CDC16: variants seen among roughly 807,000 people sequenced by gnomAD.
CDC16 encodes the protein cell division cycle protein 16 homolog.
A neutral mutation model predicts 87.0 loss-of-function variants in CDC16; 34 were observed. That is an observed-to-expected ratio of 0.39 (90% CI 0.30 to 0.52). The LOEUF is 0.52. Among genes scored for constraint, CDC16 ranks in the 20% least tolerant of loss-of-function variants. The pLI is 0.74. For missense variants in CDC16, 653 were observed against 751.9 expected, an observed-to-expected ratio of 0.87 and a Z score of 1.54; for synonymous variants, 263 against 260.6, an observed-to-expected ratio of 1.01 and a Z score of -0.09.
At chr13:114,241,804 A>G (rs929510064) in intron 5 of CDC16, among the ~76,000 whole-genome samples, 1 of 152,206 alleles carries the variant, frequency 6.6e-6, no homozygotes, top group Non-Finnish European at 1.5e-5. Context: ...TAATCTCAGC[A>G]CTTCGGGAGG....
chr13:114,236,527 G>A, intron 1 of CDC16, 118 bp from the exon 2 acceptor site: 4 of 871,546 alleles, frequency 4.6e-6, no homozygotes, highest in Non-Finnish European at 6.1e-6. Flanking sequence ...TTGAGATGAA[G>A]ATTTATTACA....
At chr13:114,245,206 ATAT>A (rs2081794243) in intron 9 of CDC16, among the ~76,000 whole-genome samples, 4 of 151,848 alleles carry the variant, frequency 2.6e-5, no homozygotes, top group African/African-American at 7.3e-5. Flanking sequence ...CTTTTCTCAA[ATAT>A]CATTTATGTT....
At chr13:114,263,687 G>T (rs7319446) in intron 16 of CDC16, among the ~76,000 whole-genome samples, 1 of 152,016 alleles carries the variant, frequency 6.6e-6, no homozygotes, top group East Asian at 1.9e-4. Context: ...TAGCACACAC[G>T]CCCAGTTCCT....
At position 114,246,941 on chromosome 13, in the gene CDC16, T is replaced by C. The variant is rs951852214; in HGVS notation, c.908T>C (p.Phe303Ser). Residue 303 changes from phenylalanine (F) to serine (S), a missense_variant, in exon 11 of 18, where the codon TTT becomes TCT. Phe to Ser is a radical substitution (Grantham distance 155). Coordinates refer to ENST00000356221, the MANE Select transcript of CDC16 (RefSeq NM_001078645.3). ...DLYPSNPVSW[F>S]AVGCYYLMVG... Reference sequence around the variant, plus strand: ...TTTTGAACTTTTTAGGTGTCTTGGTTTGCAGTGGGATGTTACTATCTCATG... The same window carrying C: ...TTTTGAACTTTTTAGGTGTCTTGGTCTGCAGTGGGATGTTACTATCTCATG... 6.2e-7 allele frequency: 1 copy of C among 1,611,176 alleles called. No homozygotes were observed. Among genetic ancestry groups the C allele is most frequent in the Non-Finnish European group, 8.5e-7 (1 of 1,177,394 alleles).
rs915808390 is a variant in CDC16 at position 114,261,743 on chromosome 13, C to T, written c.1315-144C>T. 8.9e-5 allele frequency: 48 copies of T among 536,388 alleles called. No individual in the cohort carries two copies. The South Asian group carries it at 1.2e-3, about 14-fold the overall frequency. The allele number at this position is 536,388 out of a possible 1,614,324, so 33.2% of individuals were successfully genotyped here. On this transcript the variant is annotated intron_variant, in intron 14 of 17. Coordinates refer to ENST00000356221, the MANE Select transcript of CDC16 (RefSeq NM_001078645.3). Reference sequence around the variant, plus strand: ...AGGAAAGAAAGGGAGATAGATAAAACAGCAGTTACCCTGGCCTTGTGGTGT... The same window carrying T: ...AGGAAAGAAAGGGAGATAGATAAAATAGCAGTTACCCTGGCCTTGTGGTGT...
intron 9 of CDC16, 53 bp downstream of exon 9, chr13:114,245,022 C>T: frequency 9.3e-7 from 1 of 1,076,042 alleles, no homozygotes; most frequent in Non-Finnish European, 1.4e-6. Flanking sequence ...CAAATCTTTT[C>T]TGTAACTTGA....
At chr13:114,242,387 A>G (rs1186794807) in intron 6 of CDC16, 107 bp downstream of exon 6, 1 of 952,252 alleles carries the variant, frequency 1.1e-6, no homozygotes, top group African/African-American at 1.6e-5. Flanking sequence ...TACAGGTTTA[A>G]ATAGACCTAC....
intron 14 of CDC16, 104 bp from the exon 15 acceptor site, chr13:114,261,783 C>G (rs2082876605): frequency 5.5e-6 from 4 of 732,088 alleles, no homozygotes; most frequent in South Asian, 1.9e-5. Context: ...GCGGCACACA[C>G]TGGGAGAGAG....
intron 12 of CDC16, among the ~76,000 whole-genome samples, chr13:114,253,657 C>A (rs2082325945): frequency 1.3e-5 from 2 of 150,912 alleles, no homozygotes; most frequent in South Asian, 4.2e-4. Flanking sequence ...CCACTGCACT[C>A]CAGCCTGGGC....
intron 6 of CDC16, chr13:114,242,632 A>G (rs17291152): frequency 0.019 from 3,842 of 198,680 alleles, 161 homozygotes; most frequent in African/African-American, 0.085. Context: ...TCCAGAGCAG[A>G]TGCTTTAAAG....
At chr13:114,267,701 A>G (rs2083325042) in intron 17 of CDC16, among the ~76,000 whole-genome samples, 1 of 152,204 alleles carries the variant, frequency 6.6e-6, no homozygotes. Flanking sequence ...AGTAATCACT[A>G]AAAAGGAAAG....
chr13:114,270,072 G>A (rs536316640), intron 17 of CDC16, among the ~76,000 whole-genome samples: 1 of 152,152 alleles, frequency 6.6e-6, no homozygotes, highest in African/African-American at 2.4e-5. Context: ...GAAGATTAGT[G>A]TATTAGTTCA....
Position 114,234,908 on chromosome 13 carries a change from C to A in CDC16, c.-177C>A, listed in dbSNP as rs17337710. The A allele has an allele frequency of 0.011, 4,511 of 395,564 alleles. 169 individuals carry two copies. Among genetic ancestry groups the A allele is most frequent in the African/African-American group, 0.081 (3,852 of 47,348 alleles). 24.5% of individuals were successfully genotyped at this position (395,564 alleles called of 1,614,324 possible). Reference sequence around the variant, plus strand: ...GGAAGAGCCTGGGCAGTGCACGGGGCCTGGGTGGGGGGTGCGGGTGTGGGT... The same window carrying A: ...GGAAGAGCCTGGGCAGTGCACGGGGACTGGGTGGGGGGTGCGGGTGTGGGT... On this transcript the variant is annotated 5_prime_UTR_variant, in exon 1 of 18. Transcript: ENST00000356221.
intron 17 of CDC16, among the ~76,000 whole-genome samples, chr13:114,269,369 C>T (rs1339449357): frequency 1.3e-5 from 2 of 148,560 alleles, no homozygotes; most frequent in Non-Finnish European, 2.9e-5. Context: ...AGCTCAGAGT[C>T]AATGTGGGAG....
intron 6 of CDC16, 129 bp downstream of exon 6, chr13:114,242,409 A>G: frequency 1.3e-6 from 1 of 770,500 alleles, no homozygotes; most frequent in Admixed American, 2.7e-5. Flanking sequence ...CACTTTCTTA[A>G]TGTCTTCAAA....
Position 114,243,391 on chromosome 13 carries a change from C to T in CDC16, c.633+43C>T, listed in dbSNP as rs760921510. 7 of 923,558 alleles carry T rather than the reference C, an allele frequency of 7.6e-6. No individual in the cohort carries two copies. In the African/African-American group the frequency reaches 8.3e-5, roughly 11 times the overall value. 57.2% of individuals were successfully genotyped at this position (923,558 alleles called of 1,614,324 possible). On this transcript the variant is annotated intron_variant, in intron 7 of 17. Transcript: ENST00000356221. ...GTTAGCACTTGCTTTATGTAAATAT[C>T]TTATTCCATAAAATTTGGCATCTAG... is the stretch of plus-strand genomic sequence containing the variant.
chr13:114,244,351 A>G (rs945646633), intron 8 of CDC16, among the ~76,000 whole-genome samples: 1 of 152,252 alleles, frequency 6.6e-6, no homozygotes, highest in African/African-American at 2.4e-5. Flanking sequence ...TAGCTAAGCC[A>G]TCTCCCACAT....
intron 17 of CDC16, among the ~76,000 whole-genome samples, chr13:114,265,899 C>G (rs913367032): frequency 2.0e-5 from 3 of 152,030 alleles, no homozygotes; most frequent in African/African-American, 7.2e-5. Flanking sequence ...CACCGCAACC[C>G]CTGCCTCCCT....
At chr13:114,270,382 C>T (rs1434197667) in intron 17 of CDC16, among the ~76,000 whole-genome samples, 7 of 152,164 alleles carry the variant, frequency 4.6e-5, no homozygotes, top group Non-Finnish European at 1.0e-4. Flanking sequence ...GAGAAACCAC[C>T]CCCATGATCC....
Sources: gnomAD v4.1 joint callset for allele counts (sites outside exome capture counted in the v4.1 genomes callset) on GRCh38, gnomAD v4.1.1 for gene constraint, MANE v1.5 for transcripts, NCBI Gene and HGNC (gene_info 2026-07-23, HGNC 2026-07-21) for gene names.